The following CHODL variants were observed in gnomAD, a reference collection of about 807,000 sequenced individuals.
The protein encoded by CHODL is transmembrane protein MT75.
In CHODL, 29 loss-of-function variants were observed where a neutral mutation model predicts 34.5. The observed-to-expected ratio is 0.84, with a 90% CI of 0.63 to 1.15. CHODL has a LOEUF of 1.15. Among genes scored for constraint, CHODL ranks in the 50% most tolerant of loss-of-function variants. The probability of loss-of-function intolerance (pLI) is 0.00; values close to 1 mark genes in which losing one functional copy is unlikely to be tolerated. For synonymous variants in CHODL, 125 were observed against 116.1 expected, an observed-to-expected ratio of 1.08 and a Z score of -0.49; for missense variants, 332 against 332.5, an observed-to-expected ratio of 1.00 and a Z score of 0.01.
At chr21:17,980,004 A>T (rs570089661) in intron 1 of CHODL, among the ~76,000 whole-genome samples, 24 of 152,000 alleles carry the variant, frequency 1.6e-4, no homozygotes, top group African/African-American at 5.5e-4. Flanking sequence ...CAATAGAAAA[A>T]TGTTGACATA....
Position 18,256,584 on chromosome 21 carries a change from T to G in CHODL, c.155T>G (p.Val52Gly). 1 of 1,613,614 alleles carries G rather than the reference T, an allele frequency of 6.2e-7. No individual in the cohort carries two copies. Among genetic ancestry groups the G allele is most frequent in the South Asian group, 1.1e-5 (1 of 91,054 alleles). Residue 52 changes from valine to glycine, a missense_variant, in exon 2 of 6, where the codon GTG (valine) becomes GGG (glycine). Coordinates refer to ENST00000299295, the MANE Select transcript of CHODL (RefSeq NM_024944.3). ...MAYFHELSSR[V>G]SFQEARLACE... ...TACTTCCATGAACTGTCCAGCCGAG[T>G]GAGCTTTCAGGAGGCACGCCTGGCT...
At chr21:17,983,096 G>A (rs1484377532) in intron 1 of CHODL, among the ~76,000 whole-genome samples, 1 of 152,014 alleles carries the variant, frequency 6.6e-6, no homozygotes, top group Non-Finnish European at 1.5e-5. Context: ...CGCATTCCTA[G>A]GTGTAGACTT....
intron 2 of CHODL, among the ~76,000 whole-genome samples, chr21:18,030,101 G>A (rs2064229958): frequency 6.6e-6 from 1 of 152,150 alleles, no homozygotes; most frequent in Admixed American, 6.5e-5. Flanking sequence ...CTCTTTGAGA[G>A]TGGGCTGGAC....
At chr21:18,134,777 T>G (rs2072700262) in intron 2 of CHODL, among the ~76,000 whole-genome samples, 1 of 152,214 alleles carries the variant, frequency 6.6e-6, no homozygotes, top group Non-Finnish European at 1.5e-5. Flanking sequence ...ACTTTAAGAT[T>G]CAGCCAAATA....
chr21:18,087,755 T>C (rs772568829), intron 2 of CHODL, among the ~76,000 whole-genome samples: 22 of 152,256 alleles, frequency 1.4e-4, no homozygotes, highest in Non-Finnish European at 2.9e-4. Flanking sequence ...CAGCAGCCTA[T>C]TGCAGGGTAT....
chr21:17,951,017 A>G (rs1443663480), intron 1 of CHODL, among the ~76,000 whole-genome samples: 2 of 152,160 alleles, frequency 1.3e-5, no homozygotes, highest in Admixed American at 1.3e-4. Context: ...TTGATGAACT[A>G]AAACATACTT....
At chr21:18,024,290 T>G (rs1239093249) in intron 1 of CHODL, among the ~76,000 whole-genome samples, 1 of 152,176 alleles carries the variant, frequency 6.6e-6, no homozygotes, top group African/African-American at 2.4e-5. Flanking sequence ...TGGTATCCTA[T>G]TCTTTCTTTG....
chr21:17,933,458 A>G, intron 1 of CHODL, among the ~76,000 whole-genome samples: 1 of 152,302 alleles, frequency 6.6e-6, no homozygotes, highest in East Asian at 1.9e-4. Context: ...GAGCATGCTG[A>G]CTTCAAGCAT....
chr21:17,930,033 C>T (rs535977026), intron 1 of CHODL, among the ~76,000 whole-genome samples: 3 of 152,282 alleles, frequency 2.0e-5, no homozygotes, highest in Admixed American at 6.5e-5. Flanking sequence ...CTTCTGAGAG[C>T]CCAGCCCCCA....
intron 1 of CHODL, among the ~76,000 whole-genome samples, chr21:17,921,441 G>T (rs2063182659): frequency 6.6e-6 from 1 of 152,172 alleles, no homozygotes; most frequent in Non-Finnish European, 1.5e-5. Flanking sequence ...TATAGGCAGG[G>T]GGTCTAACCC....
intron 1 of CHODL, among the ~76,000 whole-genome samples, chr21:17,942,111 G>C (rs1037732365): frequency 3.9e-5 from 6 of 152,126 alleles, no homozygotes; most frequent in African/African-American, 1.4e-4. Context: ...GATAGAAAAA[G>C]TATGTAATAG....
chr21:18,104,731 G>A (rs1035538814), intron 2 of CHODL, among the ~76,000 whole-genome samples: 4 of 152,128 alleles, frequency 2.6e-5, no homozygotes, highest in Admixed American at 2.6e-4. Context: ...AGCAACTATT[G>A]TTTTACAGCC....
At position 17,933,184 on chromosome 21, in the gene CHODL, G is replaced by T. The variant is rs143886455; in HGVS notation, c.-145+15784G>T. Among the ~76,000 whole-genome samples, 180 of 152,308 alleles carry T rather than the reference G, an allele frequency of 1.2e-3. 1 individual carries two copies. In the East Asian group the frequency reaches 0.028, roughly 23 times the overall value. ...GAGACATTCCATTGCCCAGGGACGGGCAGGAGACAGATGCCTTCCTCTTGT... is the reference window on the plus strand; with the variant it reads ...GAGACATTCCATTGCCCAGGGACGGTCAGGAGACAGATGCCTTCCTCTTGT... On this transcript the variant is annotated intron_variant, in intron 1 of 6. Coordinates refer to the CHODL transcript ENST00000400127.
intron 1 of CHODL, among the ~76,000 whole-genome samples, chr21:18,025,914 T>A (rs905234204): frequency 1.3e-5 from 2 of 152,186 alleles, no homozygotes; most frequent in African/African-American, 4.8e-5. Flanking sequence ...ACAGACCTCA[T>A]TGTAACTTAA....
intron 1 of CHODL, among the ~76,000 whole-genome samples, chr21:17,929,805 G>A (rs530891011): frequency 4.6e-5 from 7 of 152,184 alleles, no homozygotes; most frequent in Non-Finnish European, 8.8e-5. Flanking sequence ...ACCAGCTGCT[G>A]TTGCAGTGCC....
intron 2 of CHODL, among the ~76,000 whole-genome samples, chr21:18,185,509 A>C (rs1156863598): frequency 6.6e-6 from 1 of 152,134 alleles, no homozygotes; most frequent in African/African-American, 2.4e-5. Flanking sequence ...TTTATAGTAG[A>C]ATGACTTACA....
At chr21:17,991,067 T>G (rs936617193) in intron 1 of CHODL, among the ~76,000 whole-genome samples, 42 of 152,150 alleles carry the variant, frequency 2.8e-4, no homozygotes, top group Admixed American at 2.7e-3. Flanking sequence ...GATATTTGTC[T>G]GTGTGTAGTT....
At chr21:17,943,871 A>T (rs2063385222) in intron 1 of CHODL, among the ~76,000 whole-genome samples, 1 of 152,178 alleles carries the variant, frequency 6.6e-6, no homozygotes, top group Non-Finnish European at 1.5e-5. Flanking sequence ...ATCTCACTCC[A>T]TGGGGAACAC....
At chr21:18,160,221 TAA>T (rs2073079991) in intron 2 of CHODL, among the ~76,000 whole-genome samples, 1 of 152,238 alleles carries the variant, frequency 6.6e-6, no homozygotes, top group African/African-American at 2.4e-5. Context: ...ACATAACTGG[TAA>T]GTTAAGGGAC....
Sources: allele counts gnomAD v4.1 joint callset (sites outside exome capture counted in the v4.1 genomes callset), GRCh38; gene constraint gnomAD v4.1.1; transcripts MANE v1.5; gene names NCBI Gene and HGNC (gene_info 2026-07-23, HGNC 2026-07-21).